Variants in RSPH3 observed in about 807,000 individuals in gnomAD.
The protein encoded by RSPH3 is radial spoke head 3.
A neutral mutation model predicts 43.8 loss-of-function variants in RSPH3; 21 were observed. That is an observed-to-expected ratio of 0.48 (90% confidence interval 0.34 to 0.69). The LOEUF is 0.69. Among genes scored for constraint, RSPH3 ranks in the 30% least tolerant of loss-of-function variants. The probability of loss-of-function intolerance (pLI) is 0.01; values close to 1 mark genes in which losing one functional copy is unlikely to be tolerated. For missense variants in RSPH3, 487 were observed against 516.0 expected (o/e 0.94, Z 0.54); for synonymous variants, 173 against 179.8 (o/e 0.96, Z 0.30).
At chr6:158,982,734 C>T (rs781011998) in intron 4 of RSPH3, 46 bp from the exon 5 acceptor site, 2 of 1,315,004 alleles carry the variant, frequency 1.5e-6, no homozygotes, top group South Asian at 2.5e-5. Flanking sequence ...AATTACGAAT[C>T]AAATGCTCAA....
In RSPH3 at chr6:158,999,758, G is replaced by A. The variant is rs759557879; in HGVS notation, c.-208C>T. On this transcript the variant is annotated 5_prime_UTR_variant, in exon 1 of 8. Transcript: ENST00000367069. ...TACTGGGCTCGCTCCCAGCACCACA[G>A]AGACCAGCTGCGGGGGCCGCATCGG... 17 of 1,611,178 alleles carry A rather than the reference G, an allele frequency of 1.1e-5. No individual in the cohort carries two copies. The East Asian group carries it at 3.6e-4, about 34-fold the overall frequency.
At chr6:158,983,547 T>C (rs1453147708) in intron 4 of RSPH3, 115 bp downstream of exon 4, 2 of 807,458 alleles carry the variant, frequency 2.5e-6, no homozygotes, top group African/African-American at 3.4e-5. Flanking sequence ...TGGAAAGAAA[T>C]CCAAGAAGTA....
At chr6:158,985,968 C>T (rs971957232) in intron 3 of RSPH3, among the ~76,000 whole-genome samples, 2 of 151,966 alleles carry the variant, frequency 1.3e-5, no homozygotes, top group Non-Finnish European at 1.5e-5. Context: ...CGACCACCAC[C>T]ATGCCCAGCT....
rs1008268094 is a variant in RSPH3 at position 158,977,334 on chromosome 6, G to C, written c.*204C>G. 1.3e-5 allele frequency: 7 copies of C among 525,540 alleles called. No individual in the cohort carries two copies. Among genetic ancestry groups the C allele is most frequent in the Non-Finnish European group, 2.0e-5 (6 of 301,714 alleles). 32.6% of individuals were successfully genotyped at this position (525,540 alleles called of 1,614,324 possible). A position where few individuals can be genotyped will look rare whatever the true frequency, so the allele number is the denominator to read the frequency against. ...TCATTAGAATTACAATATAGCCTTT[G>C]AATATTCTATTAAATAAATGAATTC... On this transcript the variant is annotated 3_prime_UTR_variant, in exon 8 of 8. Transcript: ENST00000367069.
chr6:158,993,207 T>C (rs543795010), intron 2 of RSPH3, among the ~76,000 whole-genome samples: 3 of 152,092 alleles, frequency 2.0e-5, no homozygotes, highest in African/African-American at 7.2e-5. Flanking sequence ...AACTTCTGCC[T>C]CCTGGGTTCA....
intron 6 of RSPH3, among the ~76,000 whole-genome samples, chr6:158,980,496 T>A (rs1777998223): frequency 6.6e-6 from 1 of 152,060 alleles, no homozygotes; most frequent in Non-Finnish European, 1.5e-5. Flanking sequence ...TAGCTAATGA[T>A]AAAGCTGCAA....
chr6:158,963,466 C>T, the RSPH3 span, among the ~76,000 whole-genome samples: 1 of 113,162 alleles, frequency 8.8e-6, no homozygotes, highest in Non-Finnish European at 1.8e-5. Flanking sequence ...CCCTCCCCTC[C>T]CCTCCTCTCC....
rs779451502 is a variant in RSPH3 at position 158,999,742 on chromosome 6, C to T, written c.-192G>A. 1.9e-6 allele frequency: 3 copies of T among 1,611,628 alleles called. No individual in the cohort carries two copies. The highest frequency in any genetic ancestry group is 2.5e-6 in the Non-Finnish European group (3 of 1,178,384). On this transcript the variant is annotated 5_prime_UTR_variant, in exon 1 of 8. Transcript: ENST00000367069. Reference sequence around the variant, plus strand: ...CAGGAGGTGGGAGCTATACTGGGCTCGCTCCCAGCACCACAGAGACCAGCT... The same window carrying T: ...CAGGAGGTGGGAGCTATACTGGGCTTGCTCCCAGCACCACAGAGACCAGCT...
intron 4 of RSPH3, 149 bp downstream of exon 4, chr6:158,983,513 G>C: frequency 1.4e-6 from 1 of 700,904 alleles, no homozygotes; most frequent in Non-Finnish European, 2.5e-6. Flanking sequence ...AGTACTATAT[G>C]ATAAAACCAT....
rs1386687463 is a variant in RSPH3, at chr6:158,974,846, G to GTTTTTTT, written c.*2685_*2691dup. The GTTTTTTT allele has an allele frequency of 2.1e-5, 3 of 145,644 alleles. No homozygotes were observed. Among genetic ancestry groups the GTTTTTTT allele is most frequent in the Non-Finnish European group, 3.0e-5 (2 of 65,636 alleles). The allele number at this position is 145,644 out of a possible 1,614,324, so 9.0% of individuals were successfully genotyped here. A position where few individuals can be genotyped will look rare whatever the true frequency, so the allele number is the denominator to read the frequency against. On this transcript the variant is annotated 3_prime_UTR_variant, in exon 8 of 8. Coordinates refer to ENST00000367069, the MANE Select transcript of RSPH3 (RefSeq NM_031924.8). The stretch of plus-strand genomic sequence containing the variant: ...TAATCAACTTCAAATCAATTTTAAG[G>GTTTTTTT]TTTTTTTTTTTTGAGAAGGAGTCTC...
intron 2 of RSPH3, among the ~76,000 whole-genome samples, chr6:158,990,879 T>C: frequency 6.9e-6 from 1 of 145,684 alleles, no homozygotes; most frequent in South Asian, 2.1e-4. Context: ...TCTTCAGCTC[T>C]CTCAGCCTTT....
rs145771767 is a variant in RSPH3, at chr6:158,995,155, A to C, written c.117-1229T>G. Among the ~76,000 whole-genome samples, 5 of 152,250 alleles carry C rather than the reference A, an allele frequency of 3.3e-5. No homozygotes were observed. In the East Asian group the frequency reaches 9.6e-4, roughly 29 times the overall value. On this transcript the variant is annotated intron_variant, in intron 1 of 7. Coordinates refer to ENST00000367069, the MANE Select transcript of RSPH3 (RefSeq NM_031924.8). ...GACCTCAATTATAATCCATATACCC[A>C]AAACTCTCAATTTTTATTTTTAGCT... is the stretch of plus-strand genomic sequence containing the variant.
Position 158,977,704 on chromosome 6 carries a change from C to T in RSPH3, c.1091G>A (p.Ser364Asn). 6.2e-7 allele frequency: 1 copy of T among 1,614,182 alleles called. No homozygotes were observed. Among genetic ancestry groups the T allele is most frequent in the South Asian group, 1.1e-5 (1 of 91,092 alleles). The change falls in exon 8 of 8, where the codon AGC becomes AAC. Residue 364 changes from serine (S) to asparagine (N), a missense_variant. Ser to Asn is a conservative substitution (Grantham distance 46). Coordinates refer to ENST00000367069, the MANE Select transcript of RSPH3 (RefSeq NM_031924.8). ...SLEASEFLEQSMSQTRELLLD... is the reference protein window; with the variant it reads ...SLEASEFLEQNMSQTRELLLD... ...AAGCAGCTCCCGTGTCTGTGACATGCTCTGCTCCAGGAATTCAGAGGCCTC... is the reference window on the plus strand; with the variant it reads ...AAGCAGCTCCCGTGTCTGTGACATGTTCTGCTCCAGGAATTCAGAGGCCTC...
At chr6:158,995,498 C>T (rs1345823179) in intron 1 of RSPH3, among the ~76,000 whole-genome samples, 1 of 152,198 alleles carries the variant, frequency 6.6e-6, no homozygotes, top group Non-Finnish European at 1.5e-5. Flanking sequence ...GGCTTGTGGT[C>T]GCCTTCCAGT....
At chr6:158,998,097 C>T (rs1554291362) in intron 1 of RSPH3, among the ~76,000 whole-genome samples, 1 of 152,002 alleles carries the variant, frequency 6.6e-6, no homozygotes, top group Non-Finnish European at 1.5e-5. Context: ...CTGAATTCAA[C>T]ATTTGAGGCT....
At chr6:158,980,554 C>T (rs2128606073) in intron 6 of RSPH3, among the ~76,000 whole-genome samples, 1 of 152,208 alleles carries the variant, frequency 6.6e-6, no homozygotes, top group Admixed American at 6.5e-5. Context: ...TTCTACTATA[C>T]AAATGTTGCT....
At chr6:158,998,413 G>A (rs1250092106) in intron 1 of RSPH3, among the ~76,000 whole-genome samples, 5 of 144,540 alleles carry the variant, frequency 3.5e-5, no homozygotes, top group African/African-American at 1.0e-4. Context: ...AGGTTGCAGT[G>A]AGCCGAGATT....
chr6:158,984,434 T>TTTTATATATATATATACATATATATA (rs1300418942), intron 3 of RSPH3, among the ~76,000 whole-genome samples: 29 of 63,644 alleles, frequency 4.6e-4, no homozygotes, highest in African/African-American at 2.2e-3. Flanking sequence ...AAAAAGTCAA[T>TTTTATATATATATATACATATATATA]TATATATATA....
rs752767805 is a variant in RSPH3, at chr6:158,973,049, G to C, written c.*4489C>G. The C allele has an allele frequency of 1.3e-4, 20 of 152,192 alleles. No homozygotes were observed. The highest frequency in any genetic ancestry group is 1.9e-4 in the Non-Finnish European group (13 of 68,044). 9.4% of individuals were successfully genotyped at this position (152,192 alleles called of 1,614,324 possible). On this transcript the variant is annotated 3_prime_UTR_variant, in exon 8 of 8. Coordinates refer to ENST00000367069, the MANE Select transcript of RSPH3 (RefSeq NM_031924.8). ...GTCTCTGACTGTGAACAAGATTGTGGAAGGTTGGTTGAGGTTAGGCCTAGG... is the reference window on the plus strand; with the variant it reads ...GTCTCTGACTGTGAACAAGATTGTGCAAGGTTGGTTGAGGTTAGGCCTAGG...
Sources: gnomAD v4.1 joint callset for allele counts (sites outside exome capture counted in the v4.1 genomes callset) on GRCh38, gnomAD v4.1.1 for gene constraint, MANE v1.5 for transcripts, NCBI Gene and HGNC (gene_info 2026-07-23, HGNC 2026-07-21) for gene names.